The following ZNF69 variants were observed in gnomAD, a reference collection of about 807,000 sequenced individuals.
ZNF69 encodes the protein ZNF3.
A neutral mutation model predicts 50.9 loss-of-function variants in ZNF69; 47 were observed. The observed-to-expected ratio is 0.92, with a 90% CI of 0.73 to 1.18. The LOEUF is 1.18. Among genes scored for constraint, ZNF69 ranks in the 50% most tolerant of loss-of-function variants. The pLI, the probability that ZNF69 is intolerant of heterozygous loss-of-function variation, is 0.00. For missense variants in ZNF69, 717 were observed against 675.1 expected, an observed-to-expected ratio of 1.06 and a Z score of -0.69; for synonymous variants, 216 against 223.1, an observed-to-expected ratio of 0.97 and a Z score of 0.29.
rs766351690 is a variant in ZNF69 at position 11,904,813 on chromosome 19, C to G, written c.416C>G (p.Ser139Ter). ...TGTGGAGAAGTTGGCCTAGGTAACT[C>G]ATCTTTTAATATGAACATCAGAGGT... ...FVCGEVGLGN[S>*]SFNMNIRGDI... The change falls in exon 4 of 4, where the codon TCA (serine) becomes TGA (stop). Residue 139 changes from serine (S) to a stop codon, truncating the protein, a stop_gained. Coordinates refer to ENST00000429654, the MANE Select transcript of ZNF69 (RefSeq NM_001364730.1). LOFTEE classifies it high-confidence loss of function. 3 of 1,613,988 alleles carry G rather than the reference C, an allele frequency of 1.9e-6. No individual in the cohort carries two copies. The highest frequency in any genetic ancestry group is 3.3e-5 in the Admixed American group (2 of 59,990).
the ZNF69 span, among the ~76,000 whole-genome samples, chr19:11,958,474 C>T: frequency 6.6e-6 from 1 of 152,162 alleles, no homozygotes. Context: ...GCAAGCACCA[C>T]ACATCTGGTG....
chr19:11,904,909 AAGC>A lies in ZNF69; in HGVS notation c.513_515del (p.Lys171_Ala172delinsAsn). The stretch of plus-strand genomic sequence containing the variant: ...CCATGTAAGTGTCAACAACCTAAAA[AAGC>A]CTTCAGATATCACCCCTCCTTTAGA... On this transcript the variant is annotated inframe_deletion, in exon 4 of 4. Coordinates refer to ENST00000429654, the MANE Select transcript of ZNF69 (RefSeq NM_001364730.1). 2 of 1,614,182 alleles carry A rather than the reference AAGC, an allele frequency of 1.2e-6. No homozygotes were observed. Among genetic ancestry groups the A allele is most frequent in the Non-Finnish European group, 1.7e-6 (2 of 1,180,026 alleles).
chr19:11,978,828 CA>C, the ZNF69 span: 1 of 1,614,150 alleles, frequency 6.2e-7, no homozygotes, highest in Non-Finnish European at 8.5e-7. Flanking sequence ...CTTTCAAATA[CA>C]TGAAAGAACT....
At chr19:11,911,904 T>C (rs953930694) in intron 4 of ZNF69, among the ~76,000 whole-genome samples, 25 of 152,198 alleles carry the variant, frequency 1.6e-4, no homozygotes, top group African/African-American at 5.6e-4. Context: ...TGCCAAGTCA[T>C]TTCAAATACA....
At chr19:11,971,991 G>C in the ZNF69 span, among the ~76,000 whole-genome samples, 1 of 151,428 alleles carries the variant, frequency 6.6e-6, no homozygotes, top group Non-Finnish European at 1.5e-5. Context: ...GAACCCAGGA[G>C]ACAGAGATTG....
the ZNF69 span, among the ~76,000 whole-genome samples, chr19:11,955,151 C>T: frequency 6.6e-6 from 1 of 151,532 alleles, no homozygotes; most frequent in Non-Finnish European, 1.5e-5. Context: ...ACTACAGGCG[C>T]ATACCACCAT....
Position 11,906,351 on chromosome 19 carries a change from G to C in ZNF69, c.*253G>C. 4.8e-6 allele frequency: 5 copies of C among 1,044,468 alleles called. No homozygotes were observed. Among genetic ancestry groups the C allele is most frequent in the Non-Finnish European group, 6.2e-6 (5 of 809,278 alleles). The allele number at this position is 1,044,468 out of a possible 1,614,324, so 64.7% of individuals were successfully genotyped here. On this transcript the variant is annotated 3_prime_UTR_variant, in exon 4 of 4. Coordinates refer to ENST00000429654, the MANE Select transcript of ZNF69 (RefSeq NM_001364730.1). ...GCAGTCCTCCCAGCATGGAGTTTGA[G>C]ATCTAAGAATGGACAGTCTGCCTCC...
In ZNF69 at chr19:11,905,016, A is replaced by G. The variant is rs1327919563; in HGVS notation, c.619A>G (p.Ile207Val). 33 of 1,614,156 alleles carry G rather than the reference A, an allele frequency of 2.0e-5. No individual in the cohort carries two copies. Among genetic ancestry groups the G allele is most frequent in the Non-Finnish European group, 2.7e-5 (32 of 1,180,010 alleles). ...AAAAACTTTTATTTCCCATTCAAGC[A>G]TTCAAAGACACGTGGTAATGCACAG... ...CGKTFISHSS[I>V]QRHVVMHSGD... The change falls in exon 4 of 4, where the codon ATT becomes GTT. Residue 207 changes from isoleucine (I) to valine (V), a missense_variant. Transcript: ENST00000429654.
chr19:11,935,357 C>T, the ZNF69 span, among the ~76,000 whole-genome samples: 2 of 150,808 alleles, frequency 1.3e-5, no homozygotes, highest in Non-Finnish European at 3.0e-5. Flanking sequence ...CTGCCTCAGC[C>T]TCCAGAGTAG....
chr19:11,951,515 C>T, the ZNF69 span, among the ~76,000 whole-genome samples: 1 of 152,032 alleles, frequency 6.6e-6, no homozygotes, highest in African/African-American at 2.4e-5. Context: ...AGACATGAGC[C>T]ACTGGGCCCG....
At chr19:11,893,642 T>G (rs1431256520) in intron 1 of ZNF69, among the ~76,000 whole-genome samples, 1 of 152,178 alleles carries the variant, frequency 6.6e-6, no homozygotes, top group Non-Finnish European at 1.5e-5. Flanking sequence ...TTCCTGGTTT[T>G]GGGTTTTAGA....
the ZNF69 span, among the ~76,000 whole-genome samples, chr19:11,954,979 G>A: frequency 6.9e-6 from 1 of 145,068 alleles, no homozygotes; most frequent in East Asian, 2.0e-4. Context: ...GTCTTATATA[G>A]AGTTTGTTTC....
rs747282680 is a variant in ZNF69, at chr19:11,905,975, G to T, written c.1578G>T (p.Arg526Ser). Residue 526 changes from arginine to serine, a missense_variant, in exon 4 of 4, where the codon AGG becomes AGT. By Grantham distance (110) the Arg-to-Ser change is moderately radical. Coordinates refer to ENST00000429654, the MANE Select transcript of ZNF69 (RefSeq NM_001364730.1). ...SSSSSFRYHE[R>S]THTGEKPYKC... ...CCAGTTCCTTTCGATACCATGAAAG[G>T]ACTCACACTGGAGAGAAACCCTATA... 4.4e-5 allele frequency: 71 copies of T among 1,613,594 alleles called. No individual in the cohort carries two copies. Among genetic ancestry groups the T allele is most frequent in the Non-Finnish European group, 5.6e-5 (66 of 1,179,914 alleles).
the ZNF69 span, chr19:11,926,820 A>G: frequency 6.5e-6 from 1 of 153,778 alleles, no homozygotes; most frequent in East Asian, 1.9e-4. Flanking sequence ...TCACTCCGAA[A>G]TAATAGAAAG....
At chr19:11,913,147 A>G (rs1972481999) in intron 4 of ZNF69, among the ~76,000 whole-genome samples, 1 of 151,984 alleles carries the variant, frequency 6.6e-6, no homozygotes, top group Admixed American at 6.5e-5. Flanking sequence ...CAGTGAGCCA[A>G]GATTGCGCCA....
the ZNF69 span, among the ~76,000 whole-genome samples, chr19:11,951,404 T>C: frequency 1.1e-4 from 17 of 151,836 alleles, no homozygotes; most frequent in East Asian, 3.2e-3. Context: ...AGTATTCGTA[T>C]TTTTTTAGTA....
At chr19:11,894,257 C>T (rs1411579494) in intron 1 of ZNF69, among the ~76,000 whole-genome samples, 1 of 152,134 alleles carries the variant, frequency 6.6e-6, no homozygotes, top group Non-Finnish European at 1.5e-5. Flanking sequence ...GCAAGCTCCG[C>T]CTCCCGGGTT....
At chr19:11,965,465 C>A in the ZNF69 span, among the ~76,000 whole-genome samples, 15 of 152,304 alleles carry the variant, frequency 9.8e-5, no homozygotes, top group Non-Finnish European at 1.9e-4. Flanking sequence ...GGCAGTTCCG[C>A]GCCCGCAGCC....
intron 1 of ZNF69, 147 bp from the exon 2 acceptor site, chr19:11,903,426 T>C: frequency 7.2e-7 from 1 of 1,386,840 alleles, no homozygotes; most frequent in Non-Finnish European, 9.7e-7. Flanking sequence ...AGAATTGCTT[T>C]ATGGAAGAAA....
Sources: gnomAD v4.1 joint callset for allele counts (sites outside exome capture counted in the v4.1 genomes callset) on GRCh38, gnomAD v4.1.1 for gene constraint, MANE v1.5 for transcripts, NCBI Gene and HGNC (gene_info 2026-07-23, HGNC 2026-07-21) for gene names.